The following USP34 variants were observed in gnomAD, a reference collection of about 807,000 sequenced individuals.
USP34 encodes ubiquitin specific peptidase 34, also known as ubiquitin carboxyl-terminal hydrolase 34.
USP34 carries 70 observed loss-of-function variants against 460.3 expected under a neutral mutation model. The observed-to-expected ratio is 0.15, with a 90% confidence interval of 0.13 to 0.19. USP34 has a LOEUF of 0.19. USP34 is among the 10% of genes least tolerant of loss of function. The probability of loss-of-function intolerance (pLI) is 1.00; values close to 1 mark genes in which losing one functional copy is unlikely to be tolerated. For missense variants in USP34, 3,985 were observed against 4,236.2 expected (o/e 0.94, Z 1.65); for synonymous variants, 1,647 against 1,405.3 (o/e 1.17, Z -3.85).
At position 61,204,374 on chromosome 2, in the gene USP34, A is replaced by G; in HGVS notation, c.9266T>C (p.Leu3089Pro). ...TYHHSNIPMSLGPYFPCRENI... is the reference protein window; with the variant it reads ...TYHHSNIPMSPGPYFPCRENI... ...TTCTCGACAAGGGAAATAAGGTCCAAGAGACACTAAGATATTAAAAGTGTA... is the reference window on the plus strand; with the variant it reads ...TTCTCGACAAGGGAAATAAGGTCCAGGAGACACTAAGATATTAAAAGTGTA... The change falls in exon 74 of 80, where the codon CTT becomes CCT. Residue 3089 changes from leucine (L) to proline (P), a missense_variant. Coordinates refer to ENST00000398571, the MANE Select transcript of USP34 (RefSeq NM_014709.4). The G allele has an allele frequency of 6.2e-7, 1 of 1,614,212 alleles. No homozygotes were observed.
Position 61,346,876 on chromosome 2 carries a change from A to C in USP34, c.2285+994T>G, listed in dbSNP as rs1191158815. On this transcript the variant is annotated intron_variant, in intron 15 of 79. Transcript: ENST00000398571. ...AAAAAGGCCGGGCCTGGTGGCTCAC[A>C]CCTGTGATCCCAGCACTTTGGGAGG... Among the ~76,000 whole-genome samples the C allele has an allele frequency of 8.2e-5, 12 of 147,158 alleles. 1 individual carries two copies. The East Asian group carries it at 1.8e-3, about 22-fold the overall frequency.
At chr2:61,312,566 A>T (rs1173547096) in intron 25 of USP34, among the ~76,000 whole-genome samples, 2 of 152,124 alleles carry the variant, frequency 1.3e-5, no homozygotes, top group Non-Finnish European at 2.9e-5. Flanking sequence ...GAAGGATAAA[A>T]AGTGAGGGAA....
intron 2 of USP34, 75 bp from the exon 3 acceptor site, chr2:61,406,203 T>C (rs1346041095): frequency 4.8e-6 from 6 of 1,254,214 alleles, no homozygotes; most frequent in Non-Finnish European, 6.4e-6. Flanking sequence ...AAAAAACAAG[T>C]AAGCAAATAC....
rs568126498 is a variant in USP34 at position 61,336,689 on chromosome 2, A to G, written c.2744+2662T>C. 2.0e-3 allele frequency among the ~76,000 whole-genome samples: 296 copies of G among 151,540 alleles called. 1 individual carries two copies. The highest frequency in any genetic ancestry group is 0.01 in the Middle Eastern group (3 of 290). On this transcript the variant is annotated intron_variant, in intron 18 of 79. Coordinates refer to ENST00000398571, the MANE Select transcript of USP34 (RefSeq NM_014709.4). ...GCTGGGCGTGGTGGTGCACACCTAC[A>G]TTCCCAGCTACTTGGGAGGTTGAGG...
chr2:61,352,435 T>G (rs1399503008), intron 10 of USP34, among the ~76,000 whole-genome samples: 2 of 151,860 alleles, frequency 1.3e-5, no homozygotes, highest in Non-Finnish European at 2.9e-5. Context: ...TTTTGATAAT[T>G]AAGTATATTA....
At chr2:61,455,836 T>TGA (rs1447102029) in intron 1 of USP34, among the ~76,000 whole-genome samples, 1 of 152,174 alleles carries the variant, frequency 6.6e-6, no homozygotes, top group African/African-American at 2.4e-5. Flanking sequence ...AAAATCCCTA[T>TGA]GAGACATGTA....
At chr2:61,284,489 T>C (rs1423343427) in intron 35 of USP34, among the ~76,000 whole-genome samples, 2 of 152,116 alleles carry the variant, frequency 1.3e-5, no homozygotes, top group Non-Finnish European at 2.9e-5. Flanking sequence ...AGAATACCAA[T>C]AGGATTATTT....
intron 6 of USP34, 102 bp downstream of exon 6, chr2:61,383,167 G>A: frequency 1.4e-6 from 1 of 718,544 alleles, no homozygotes; most frequent in Non-Finnish European, 2.1e-6. Flanking sequence ...TTTCTCTAGA[G>A]GATATGACTA....
Position 61,370,536 on chromosome 2 carries a change from C to G in USP34, c.1120G>C (p.Val374Leu). ...ELADWLISNNVVEHIFGPNLH... is the reference protein window; with the variant it reads ...ELADWLISNNLVEHIFGPNLH... ...TTTGGTCCAAATATATGCTCCACCACATTGTTGCTAATAAGCCAGTCTGCA... is the reference window on the plus strand; with the variant it reads ...TTTGGTCCAAATATATGCTCCACCAGATTGTTGCTAATAAGCCAGTCTGCA... The change falls in exon 9 of 80, where the codon GTG (valine) becomes CTG (leucine). Residue 374 changes from valine (V) to leucine (L), a missense_variant. Coordinates refer to ENST00000398571, the MANE Select transcript of USP34 (RefSeq NM_014709.4). The G allele has an allele frequency of 6.2e-7, 1 of 1,613,936 alleles. No individual in the cohort carries two copies.
At chr2:61,425,978 C>T (rs991207749) in intron 1 of USP34, among the ~76,000 whole-genome samples, 1 of 151,938 alleles carries the variant, frequency 6.6e-6, no homozygotes, top group Non-Finnish European at 1.5e-5. Context: ...CATGAGGTCC[C>T]CTGTTCAGGG....
At chr2:61,293,694 G>C (rs969524713) in intron 32 of USP34, 144 bp from the exon 33 acceptor site, 3 of 599,964 alleles carry the variant, frequency 5.0e-6, no homozygotes, top group African/African-American at 3.8e-5. Flanking sequence ...ATAATTTCTA[G>C]ACAAAATAAT....
At chr2:61,383,392 T>G in intron 5 of USP34, 56 bp from the exon 6 acceptor site, 1 of 1,310,190 alleles carries the variant, frequency 7.6e-7, no homozygotes, top group Non-Finnish European at 1.1e-6. Flanking sequence ...TACATATATC[T>G]TTCACTAAAC....
At chr2:61,413,682 T>C (rs1182672683) in intron 2 of USP34, among the ~76,000 whole-genome samples, 4 of 95,344 alleles carry the variant, frequency 4.2e-5, no homozygotes, top group Non-Finnish European at 8.6e-5. Context: ...AAATAAAAAA[T>C]AAAAAAACAA....
chr2:61,352,526 G>A (rs1219046593), intron 10 of USP34, among the ~76,000 whole-genome samples: 1 of 151,796 alleles, frequency 6.6e-6, no homozygotes, highest in African/African-American at 2.4e-5. Context: ...GAAGTCTCAT[G>A]ATATTGCCCA....
intron 3 of USP34, among the ~76,000 whole-genome samples, chr2:61,399,217 T>C (rs375729594): frequency 1.2e-4 from 18 of 152,096 alleles, no homozygotes; most frequent in South Asian, 6.2e-4. Flanking sequence ...CGCATGCCTG[T>C]AATCCCAGCT....
At chr2:61,458,049 A>G (rs1695488665) in intron 1 of USP34, among the ~76,000 whole-genome samples, 1 of 152,162 alleles carries the variant, frequency 6.6e-6, no homozygotes, top group Non-Finnish European at 1.5e-5. Flanking sequence ...ATAAACACTG[A>G]TCCTACCACA....
At position 61,247,008 on chromosome 2, in the gene USP34, T is replaced by C. The variant is rs538052054; in HGVS notation, c.6395-531A>G. Among the ~76,000 whole-genome samples the C allele has an allele frequency of 1.5e-3, 231 of 152,236 alleles. 3 individuals carry two copies. The South Asian group carries it at 0.046, about 30-fold the overall frequency. On this transcript the variant is annotated intron_variant, in intron 49 of 79. Coordinates refer to ENST00000398571, the MANE Select transcript of USP34 (RefSeq NM_014709.4). ...TTTAAAAAAAAGGAAAACGAACCAA[T>C]GTACTGGCAGCTTCCAAATATATAT...
intron 10 of USP34, among the ~76,000 whole-genome samples, chr2:61,353,376 T>G (rs1294676080): frequency 5.3e-5 from 8 of 151,280 alleles, no homozygotes. Context: ...GTCCACCTGT[T>G]GCACTTCCTA....
chr2:61,317,158 G>C (rs1254363753), intron 23 of USP34, among the ~76,000 whole-genome samples: 2 of 152,120 alleles, frequency 1.3e-5, no homozygotes, highest in Non-Finnish European at 1.5e-5. Context: ...ACATGTAATA[G>C]ATTTTCATTA....
Sources: gnomAD v4.1 joint callset for allele counts (sites outside exome capture counted in the v4.1 genomes callset) on GRCh38, gnomAD v4.1.1 for gene constraint, MANE v1.5 for transcripts, NCBI Gene and HGNC (gene_info 2026-07-23, HGNC 2026-07-21) for gene names.